The following STX2 variants were observed in gnomAD, a reference collection of about 807,000 sequenced individuals.
STX2 encodes syntaxin 2.
Under a neutral mutation model 40.6 loss-of-function variants are expected in STX2, and 27 were observed. The ratio of observed to expected loss-of-function variants is 0.66; its 90% confidence interval spans 0.49 to 0.92. STX2 has a LOEUF of 0.92. Among genes scored for constraint, STX2 ranks in the 40% least tolerant of loss-of-function variants. STX2 has a pLI of 0.00. For missense variants in STX2, 328 were observed against 366.1 expected (o/e 0.90, Z 0.85); for synonymous variants, 123 against 119.1 (o/e 1.03, Z -0.22).
At chr12:130,798,886 ACCT>A (rs1324771527) in intron 8 of STX2, among the ~76,000 whole-genome samples, 1 of 152,238 alleles carries the variant, frequency 6.6e-6, no homozygotes, top group African/African-American at 2.4e-5. Flanking sequence ...AATTAAAGGC[ACCT>A]CAAGTCAATT....
intron 1 of STX2, among the ~76,000 whole-genome samples, chr12:130,838,451 G>C (rs1389497826): frequency 6.6e-6 from 1 of 152,224 alleles, no homozygotes; most frequent in East Asian, 1.9e-4. Flanking sequence ...CACGGTCCCA[G>C]TTTCCAAAGC....
chr12:130,814,899 T>G (rs1951803161), intron 3 of STX2, among the ~76,000 whole-genome samples: 1 of 152,090 alleles, frequency 6.6e-6, no homozygotes, highest in South Asian at 2.1e-4. Flanking sequence ...CCTCCCAAAG[T>G]GCTGGGATTA....
At chr12:130,824,376 C>T (rs1193478474) in intron 2 of STX2, among the ~76,000 whole-genome samples, 1 of 152,004 alleles carries the variant, frequency 6.6e-6, no homozygotes, top group East Asian at 1.9e-4. Flanking sequence ...CAGAGCGAGG[C>T]TCCGTCTCAA....
In STX2 at chr12:130,833,599, C is replaced by T. The variant is rs1593196469; in HGVS notation, c.30+5471G>A. ...TTAATTTTTGCATCTTTAGTAGAGACGAGGTTTCCCCCTGTTGGCCAGGCT... is the reference window on the plus strand; with the variant it reads ...TTAATTTTTGCATCTTTAGTAGAGATGAGGTTTCCCCCTGTTGGCCAGGCT... On this transcript the variant is annotated intron_variant, in intron 1 of 10. Coordinates refer to ENST00000392373, the MANE Select transcript of STX2 (RefSeq NM_194356.4). 3.3e-5 allele frequency among the ~76,000 whole-genome samples: 5 copies of T among 152,140 alleles called. No individual in the cohort carries two copies. In the East Asian group the frequency reaches 7.8e-4, roughly 24 times the overall value.
chr12:130,796,721 A>G (rs1951040491), intron 9 of STX2, among the ~76,000 whole-genome samples: 2 of 152,166 alleles, frequency 1.3e-5, no homozygotes, highest in Admixed American at 1.3e-4. Flanking sequence ...AGTTTTCCGC[A>G]TGTACAGAGG....
chr12:130,819,922 G>A (rs1952049165), intron 3 of STX2, among the ~76,000 whole-genome samples: 1 of 152,164 alleles, frequency 6.6e-6, no homozygotes, highest in African/African-American at 2.4e-5. Context: ...GAAACATTTT[G>A]GGAAACACAC....
At chr12:130,826,846 CA>C (rs34678057) in intron 2 of STX2, among the ~76,000 whole-genome samples, 7 of 143,658 alleles carry the variant, frequency 4.9e-5, no homozygotes, top group African/African-American at 7.8e-5. Context: ...ACTAAAAGTG[CA>C]AAAAAAAAAG....
intron 2 of STX2, among the ~76,000 whole-genome samples, chr12:130,823,830 A>G (rs1347566217): frequency 3.3e-5 from 5 of 152,264 alleles, no homozygotes; most frequent in Non-Finnish European, 7.3e-5. Flanking sequence ...AAATCGGTGG[A>G]AACAGAGGCA....
chr12:130,838,024 G>A (rs1952802978), intron 1 of STX2, among the ~76,000 whole-genome samples: 2 of 152,126 alleles, frequency 1.3e-5, no homozygotes, highest in African/African-American at 4.8e-5. Context: ...TCCCACTCGG[G>A]GGTACATAAC....
chr12:130,835,476 T>G (rs960708357), intron 1 of STX2, among the ~76,000 whole-genome samples: 3 of 152,156 alleles, frequency 2.0e-5, no homozygotes, highest in African/African-American at 7.2e-5. Flanking sequence ...AATAGATATA[T>G]CATATATATG....
intron 6 of STX2, among the ~76,000 whole-genome samples, chr12:130,804,478 G>A (rs1477041355): frequency 1.3e-5 from 2 of 152,146 alleles, no homozygotes; most frequent in African/African-American, 4.8e-5. Context: ...CTGACCAGTG[G>A]TCCCAAGTGT....
chr12:130,836,187 T>G (rs929974938), intron 1 of STX2, among the ~76,000 whole-genome samples: 1 of 152,200 alleles, frequency 6.6e-6, no homozygotes, highest in Non-Finnish European at 1.5e-5. Context: ...CTGGTAACTT[T>G]AAGATGGGTT....
At chr12:130,834,726 CTGTT>C (rs1952699169) in intron 1 of STX2, among the ~76,000 whole-genome samples, 1 of 152,330 alleles carries the variant, frequency 6.6e-6, no homozygotes, top group South Asian at 2.1e-4. Context: ...ACTGTAGGAA[CTGTT>C]TGTATGAGAA....
intron 6 of STX2, among the ~76,000 whole-genome samples, chr12:130,806,531 C>A (rs778541088): frequency 6.6e-6 from 1 of 152,180 alleles, no homozygotes; most frequent in Non-Finnish European, 1.5e-5. Flanking sequence ...GAAACAGACC[C>A]GTCTGTCCCC....
intron 10 of STX2, among the ~76,000 whole-genome samples, chr12:130,793,977 C>T (rs755207097): frequency 3.9e-5 from 6 of 152,138 alleles, no homozygotes; most frequent in Non-Finnish European, 8.8e-5. Flanking sequence ...CAGCCAGGCC[C>T]GGGGCACAGG....
chr12:130,814,980 T>A (rs1025719242), intron 3 of STX2, among the ~76,000 whole-genome samples: 13 of 152,298 alleles, frequency 8.5e-5, no homozygotes, highest in Admixed American at 7.8e-4. Flanking sequence ...GCACCTGTAG[T>A]CCCAGCTACT....
chr12:130,792,032 C>T, intron 10 of STX2, 55 bp from the exon 11 acceptor site: 2 of 1,202,090 alleles, frequency 1.7e-6, no homozygotes, highest in Non-Finnish European at 2.4e-6. Context: ...TCAACAATGG[C>T]ATTTGCTAAC....
chr12:130,818,185 A>AAAAAAAAAATATATATATATATAT, intron 3 of STX2, among the ~76,000 whole-genome samples: 5 of 70,532 alleles, frequency 7.1e-5, no homozygotes, highest in Non-Finnish European at 1.1e-4. Context: ...AAAAAAAAAA[A>AAAAAAAAAATATATATATATATAT]ATATATATAT....
Position 130,803,652 on chromosome 12 carries a change from G to A in STX2, c.464-2164C>T, listed in dbSNP as rs137922707. Among the ~76,000 whole-genome samples the A allele has an allele frequency of 1.3e-4, 16 of 124,028 alleles. No individual in the cohort carries two copies. The East Asian group carries it at 2.6e-3, about 20-fold the overall frequency. The allele number at this position is 124,028 out of a possible 152,430, so 81.4% of individuals were successfully genotyped here. On this transcript the variant is annotated intron_variant, in intron 6 of 10. Coordinates refer to ENST00000392373, the MANE Select transcript of STX2 (RefSeq NM_194356.4). ...ACTGCACTCCAGCCTGGGTGACAGC[G>A]TGAGGCTCTCTCTCAAAAAAAAAAA...
Sources: gnomAD v4.1 joint callset for allele counts (sites outside exome capture counted in the v4.1 genomes callset) on GRCh38, gnomAD v4.1.1 for gene constraint, MANE v1.5 for transcripts, NCBI Gene and HGNC (gene_info 2026-07-23, HGNC 2026-07-21) for gene names.